The following R3HCC1L variants were observed in gnomAD, a reference collection of about 807,000 sequenced individuals.
The protein encoded by R3HCC1L is R3H domain and coiled-coil containing 1 like.
A neutral mutation model predicts 59.9 loss-of-function variants in R3HCC1L; 51 were observed. The observed-to-expected ratio is 0.85, with a 90% CI of 0.68 to 1.07. The LOEUF is 1.07. R3HCC1L is among the 50% of genes least tolerant of loss of function. The pLI is 0.00. For missense variants in R3HCC1L, 965 were observed against 933.0 expected (o/e 1.03, Z -0.45); for synonymous variants, 322 against 315.2 (o/e 1.02, Z -0.23).
At chr10:98,152,369 C>T (rs558892524) in intron 1 of R3HCC1L, among the ~76,000 whole-genome samples, 21 of 151,752 alleles carry the variant, frequency 1.4e-4, no homozygotes, top group South Asian at 8.3e-4. Flanking sequence ...TCTGCCCGGC[C>T]GCCACCCCGT....
In R3HCC1L at chr10:98,152,604, C is replaced by T. The variant is rs1846323231; in HGVS notation, c.-267-3489C>T. ...AGTGAGGAGCGTCTCTGCCCAGCCG[C>T]CCATAGTCTGAGATGCGGGGAGCGC... On this transcript the variant is annotated intron_variant, in intron 1 of 9. Transcript: ENST00000298999. 2.3e-5 allele frequency among the ~76,000 whole-genome samples: 3 copies of T among 128,848 alleles called. No individual in the cohort carries two copies. The South Asian group carries it at 9.8e-4, about 42-fold the overall frequency. 84.5% of individuals were successfully genotyped at this position (128,848 alleles called of 152,430 possible). A position where few individuals can be genotyped will look rare whatever the true frequency, so the allele number is the denominator to read the frequency against.
intron 4 of R3HCC1L, among the ~76,000 whole-genome samples, chr10:98,195,607 T>A (rs886633413): frequency 5.3e-5 from 8 of 152,142 alleles, no homozygotes; most frequent in African/African-American, 1.9e-4. Flanking sequence ...AAAAAAACTC[T>A]TTGTTAGCTA....
At chr10:98,165,852 C>G (rs995341347) in intron 4 of R3HCC1L, among the ~76,000 whole-genome samples, 1 of 152,160 alleles carries the variant, frequency 6.6e-6, no homozygotes, top group South Asian at 2.1e-4. Context: ...GTGGAGCCCT[C>G]ATGAATGACA....
intron 9 of R3HCC1L, among the ~76,000 whole-genome samples, chr10:98,236,374 C>T (rs367982781): frequency 1.3e-5 from 2 of 152,180 alleles, no homozygotes; most frequent in Admixed American, 6.5e-5. Flanking sequence ...TTCTAATCCA[C>T]GCTCCTACTG....
chr10:98,145,515 T>A (rs1845564679), intron 1 of R3HCC1L, among the ~76,000 whole-genome samples: 1 of 152,244 alleles, frequency 6.6e-6, no homozygotes, highest in South Asian at 2.1e-4. Flanking sequence ...TTTAAAAGTC[T>A]GGTGCTTTAA....
Position 98,226,312 on chromosome 10 carries a change from C to A in R3HCC1L, c.1786-5200C>A, listed in dbSNP as rs1201985619. ...GCAGAAAATGAAGAAAACAATTTTA[C>A]AATAACCTCAAAAAGAATAAAACAT... On this transcript the variant is annotated intron_variant, in intron 5 of 9. Coordinates refer to ENST00000298999, the MANE Select transcript of R3HCC1L (RefSeq NM_001351015.2). Among the ~76,000 whole-genome samples, 3 of 152,080 alleles carry A rather than the reference C, an allele frequency of 2.0e-5. No homozygotes were observed. In the South Asian group the frequency reaches 6.2e-4, roughly 32 times the overall value.
At chr10:98,166,122 C>T (rs7086585) in intron 4 of R3HCC1L, among the ~76,000 whole-genome samples, 103,334 of 152,074 alleles carry the variant, frequency 0.68, 35,291 homozygotes, top group African/African-American at 0.76. Context: ...TGAGCTAGGA[C>T]TGTACCATTG....
chr10:98,152,109 C>G (rs891308547), intron 1 of R3HCC1L, among the ~76,000 whole-genome samples: 1 of 152,232 alleles, frequency 6.6e-6, no homozygotes, highest in African/African-American at 2.4e-5. Context: ...CGCGCCGCCA[C>G]GCCTGACTGG....
intron 4 of R3HCC1L, among the ~76,000 whole-genome samples, chr10:98,164,931 C>T (rs1308521242): frequency 6.6e-6 from 1 of 152,128 alleles, no homozygotes; most frequent in African/African-American, 2.4e-5. Context: ...TGTATTTCAC[C>T]TTTCCTTTCA....
At chr10:98,163,471 T>C in intron 4 of R3HCC1L, 74 bp downstream of exon 4, 1 of 993,748 alleles carries the variant, frequency 1.0e-6, no homozygotes, top group African/African-American at 1.6e-5. Flanking sequence ...TGCTTGTATT[T>C]TGTTTCTTCA....
intron 4 of R3HCC1L, among the ~76,000 whole-genome samples, chr10:98,167,975 C>T (rs1337162511): frequency 6.6e-6 from 1 of 152,058 alleles, no homozygotes; most frequent in Non-Finnish European, 1.5e-5. Context: ...TGAGGTAAAG[C>T]CCCCAAAGCT....
At chr10:98,190,921 G>C (rs1236143168) in intron 4 of R3HCC1L, among the ~76,000 whole-genome samples, 1 of 148,334 alleles carries the variant, frequency 6.7e-6, no homozygotes, top group Admixed American at 7.0e-5. Context: ...TTCTGTCCTT[G>C]TGATAGTTTG....
In R3HCC1L at chr10:98,209,354, A is replaced by G. The variant is rs199695397; in HGVS notation, c.1240A>G (p.Lys414Glu). Reference sequence around the variant, plus strand: ...CTCTATTAATACACGAAGTTTCTCAAAGTTTGTAGGAATGAGTGCAGATGC... The same window carrying G: ...CTCTATTAATACACGAAGTTTCTCAGAGTTTGTAGGAATGAGTGCAGATGC... ...ETSINTRSFSKFVGMSADATP... is the reference protein window; with the variant it reads ...ETSINTRSFSEFVGMSADATP... The change falls in exon 5 of 10, where the codon AAG becomes GAG. Residue 414 changes from lysine (K) to glutamate (E), a missense_variant. Coordinates refer to ENST00000298999, the MANE Select transcript of R3HCC1L (RefSeq NM_001351015.2). The G allele has an allele frequency of 3.2e-5, 51 of 1,614,006 alleles. No homozygotes were observed. The highest frequency in any genetic ancestry group is 3.3e-4 in the Middle Eastern group (2 of 6,060).
At chr10:98,211,571 A>T (rs1853578733) in intron 5 of R3HCC1L, among the ~76,000 whole-genome samples, 2 of 152,170 alleles carry the variant, frequency 1.3e-5, no homozygotes. Context: ...GAGTTGGTGA[A>T]AGGACTGCAT....
At chr10:98,234,141 C>G (rs1212094619) in intron 6 of R3HCC1L, among the ~76,000 whole-genome samples, 1 of 152,136 alleles carries the variant, frequency 6.6e-6, no homozygotes, top group Non-Finnish European at 1.5e-5. Context: ...AAGAACATCT[C>G]TTGTAAATAG....
chr10:98,230,798 G>T (rs1022269513), intron 5 of R3HCC1L, among the ~76,000 whole-genome samples: 1 of 152,138 alleles, frequency 6.6e-6, no homozygotes, highest in South Asian at 2.1e-4. Flanking sequence ...CTTTGCTGCC[G>T]CTTTCCACTT....
chr10:98,208,498 T>C lies in R3HCC1L; in HGVS notation c.384T>C (p.Ala128=). 1 of 1,614,202 alleles carries C rather than the reference T, an allele frequency of 6.2e-7. No individual in the cohort carries two copies. The highest frequency in any genetic ancestry group is 1.3e-5 in the African/African-American group (1 of 75,070). Reference sequence around the variant, plus strand: ...GACAACAGCAGGGAGCCCCAAATGCTGGGGTTATAACTAATGCACCTTTGC... The same window carrying C: ...GACAACAGCAGGGAGCCCCAAATGCCGGGGTTATAACTAATGCACCTTTGC... ...SQGQQQGAPN[A]GVITNAPLQR... The change falls in exon 5 of 10, where the codon GCT becomes GCC. Residue 128 remains alanine, a synonymous_variant. Transcript: ENST00000298999.
chr10:98,164,636 T>C (rs994388930), intron 4 of R3HCC1L, among the ~76,000 whole-genome samples: 4 of 151,956 alleles, frequency 2.6e-5, no homozygotes, highest in African/African-American at 9.7e-5. Context: ...TCTGGGAAAA[T>C]GCTGTACTAA....
chr10:98,164,526 T>C (rs1847749831), intron 4 of R3HCC1L, among the ~76,000 whole-genome samples: 1 of 152,192 alleles, frequency 6.6e-6, no homozygotes, highest in Admixed American at 6.5e-5. Context: ...AGTTTTAATC[T>C]TGGTTATTTG....
Sources: gnomAD v4.1 joint callset for allele counts (sites outside exome capture counted in the v4.1 genomes callset) on GRCh38, gnomAD v4.1.1 for gene constraint, MANE v1.5 for transcripts, NCBI Gene and HGNC (gene_info 2026-07-23, HGNC 2026-07-21) for gene names.